ADARB2: variants seen among roughly 807,000 people sequenced by gnomAD.
ADARB2 encodes the protein inactive double-stranded RNA-specific editase B2.
Under a neutral mutation model 62.2 loss-of-function variants are expected in ADARB2, and 25 were observed. The ratio of observed to expected loss-of-function variants is 0.40; its 90% confidence interval spans 0.29 to 0.56. The LOEUF is 0.56. Among genes scored for constraint, ADARB2 ranks in the 20% least tolerant of loss-of-function variants. ADARB2 has a pLI of 0.43. For synonymous variants in ADARB2, 572 were observed against 500.8 expected (o/e 1.14, Z -1.90); for missense variants, 1,071 against 1,077.4 (o/e 0.99, Z 0.08).
rs1831074712 is a variant in ADARB2 at position 1,255,817 on chromosome 10, AAC to A, written c.1193-13520_1193-13519del. Among the ~76,000 whole-genome samples, 1 of 152,182 alleles carries A rather than the reference AAC, an allele frequency of 6.6e-6. No individual in the cohort carries two copies. The highest frequency in any genetic ancestry group is 1.5e-5 in the Non-Finnish European group (1 of 68,030). ...TGTGTCTGTGACTCATGGTGGGTCAAACACACTATAGCCCCATCAGCGGGCAG... is the reference window on the plus strand; with the variant it reads ...TGTGTCTGTGACTCATGGTGGGTCAAACACTATAGCCCCATCAGCGGGCAG... On this transcript the variant is annotated intron_variant, in intron 4 of 9. Transcript: ENST00000381312. The surrounding 1 kb of genome is among the most constrained non-coding windows in gnomAD (Gnocchi z 4.7).
chr10:1,209,609 G>A (rs1028256925), intron 7 of ADARB2, among the ~76,000 whole-genome samples: 5 of 144,590 alleles, frequency 3.5e-5, no homozygotes, highest in African/African-American at 1.3e-4. Flanking sequence ...CCATGACCAC[G>A]CCTACACCAT....
chr10:1,271,649 C>G (rs996748467), intron 3 of ADARB2, among the ~76,000 whole-genome samples: 1 of 152,198 alleles, frequency 6.6e-6, no homozygotes, highest in African/African-American at 2.4e-5. Context: ...CACAGACACA[C>G]ACATACACAT....
chr10:1,573,270 T>C (rs1367668740), intron 1 of ADARB2, among the ~76,000 whole-genome samples: 3 of 152,278 alleles, frequency 2.0e-5, no homozygotes, highest in African/African-American at 7.2e-5. Context: ...ACAGCTTGGA[T>C]GAGCCCCGGT....
In ADARB2 at chr10:1,394,912, T is replaced by C. The variant is rs542931825; in HGVS notation, c.101-15752A>G. On this transcript the variant is annotated intron_variant, in intron 1 of 9. Coordinates refer to ENST00000381312, the MANE Select transcript of ADARB2 (RefSeq NM_018702.4). ...TCTTTTCTTCCTCCCTCCTCCTCCTTCTTCTTCCTCTCTCTCTTTCTTTCT... is the reference window on the plus strand; with the variant it reads ...TCTTTTCTTCCTCCCTCCTCCTCCTCCTTCTTCCTCTCTCTCTTTCTTTCT... 65 of 456,620 alleles carry C rather than the reference T, an allele frequency of 1.4e-4. 2 individuals carry two copies. The highest frequency in any genetic ancestry group is 6.6e-4 in the African/African-American group (33 of 50,150). 28.3% of individuals were successfully genotyped at this position (456,620 alleles called of 1,614,324 possible). A position where few individuals can be genotyped will look rare whatever the true frequency, so the allele number is the denominator to read the frequency against.
rs558123064 is a variant in ADARB2, at chr10:1,414,811, C to T, written c.101-35651G>A. On this transcript the variant is annotated intron_variant, in intron 1 of 9. Coordinates refer to ENST00000381312, the MANE Select transcript of ADARB2 (RefSeq NM_018702.4). Reference sequence around the variant, plus strand: ...GGTGTTGGGTCTGATCACCCCAACACAGATGGACAGAAGGATGGATAGAGA... The same window carrying T: ...GGTGTTGGGTCTGATCACCCCAACATAGATGGACAGAAGGATGGATAGAGA... 7.2e-5 allele frequency among the ~76,000 whole-genome samples: 11 copies of T among 152,216 alleles called. No individual in the cohort carries two copies. In the South Asian group the frequency reaches 2.1e-3, roughly 29 times the overall value.
chr10:1,289,696 T>C (rs1214301699), intron 3 of ADARB2, among the ~76,000 whole-genome samples: 1 of 152,266 alleles, frequency 6.6e-6, no homozygotes, highest in African/African-American at 2.4e-5. Context: ...CTTTGGTCTA[T>C]GCAGGCCTCA....
At chr10:1,623,229 A>C (rs1205321342) in intron 1 of ADARB2, among the ~76,000 whole-genome samples, 1 of 152,228 alleles carries the variant, frequency 6.6e-6, no homozygotes, top group Non-Finnish European at 1.5e-5. Flanking sequence ...TTCCTTCTGC[A>C]CACACATCCA....
intron 1 of ADARB2, among the ~76,000 whole-genome samples, chr10:1,465,546 C>T (rs1187900736): frequency 1.3e-5 from 2 of 152,242 alleles, no homozygotes; most frequent in African/African-American, 4.8e-5. Context: ...CAGAATCGCC[C>T]TGTAGACCAG....
At chr10:1,606,024 ATTTAG>A (rs1041714729) in intron 1 of ADARB2, among the ~76,000 whole-genome samples, 4 of 152,354 alleles carry the variant, frequency 2.6e-5, no homozygotes, top group East Asian at 1.9e-4. Flanking sequence ...TTTGTTAGTG[ATTTAG>A]TTTAAAGGAT....
intron 6 of ADARB2, 113 bp downstream of exon 6, chr10:1,233,581 A>G (rs989262026): frequency 2.6e-6 from 3 of 1,155,392 alleles, no homozygotes; most frequent in East Asian, 2.7e-5. Flanking sequence ...TCCAGTACCC[A>G]AGGGCCCCAC....
At chr10:1,536,134 C>G (rs115655315) in intron 1 of ADARB2, among the ~76,000 whole-genome samples, 1 of 152,032 alleles carries the variant, frequency 6.6e-6, no homozygotes, top group African/African-American at 2.4e-5. Flanking sequence ...CTGATTCAGG[C>G]GTTGAAGCCT....
intron 1 of ADARB2, among the ~76,000 whole-genome samples, chr10:1,520,620 T>C (rs142773765): frequency 6.6e-6 from 1 of 152,358 alleles, no homozygotes; most frequent in Non-Finnish European, 1.5e-5. Context: ...TTTTGACATT[T>C]CAATACAAAG....
intron 1 of ADARB2, among the ~76,000 whole-genome samples, chr10:1,503,049 A>C (rs1831785102): frequency 6.6e-6 from 1 of 152,252 alleles, no homozygotes; most frequent in Non-Finnish European, 1.5e-5. Context: ...CCCTAAACAC[A>C]CGTATCATAT....
At chr10:1,634,024 C>T (rs910993463) in intron 1 of ADARB2, among the ~76,000 whole-genome samples, 6 of 152,222 alleles carry the variant, frequency 3.9e-5, no homozygotes, top group African/African-American at 1.2e-4. Flanking sequence ...TCACACCTCC[C>T]TTGATCTGCA....
intron 3 of ADARB2, among the ~76,000 whole-genome samples, chr10:1,339,171 A>G (rs1008055364): frequency 1.3e-5 from 2 of 152,178 alleles, no homozygotes; most frequent in Admixed American, 1.3e-4. Context: ...CCACGCCTGT[A>G]GCTGAGCATG....
intron 1 of ADARB2, among the ~76,000 whole-genome samples, chr10:1,529,402 G>A (rs1422894010): frequency 2.0e-5 from 3 of 152,100 alleles, no homozygotes; most frequent in Admixed American, 2.0e-4. Context: ...CAGATTGAGG[G>A]GGAAGATTAG....
intron 1 of ADARB2, among the ~76,000 whole-genome samples, chr10:1,540,661 T>C (rs61831931): frequency 0.4 from 16,682 of 41,490 alleles, 5,367 homozygotes; most frequent in Non-Finnish European, 0.59. Flanking sequence ...AGACGCAGTT[T>C]GGACCCTGGA....
In ADARB2 at chr10:1,589,348, G is replaced by A. The variant is rs1588313947; in HGVS notation, c.100+147703C>T. On this transcript the variant is annotated intron_variant, in intron 1 of 9. Transcript: ENST00000381312. ...CCATGGTCGGGGCATCCACGATCAG[G>A]GCATCCATGGTAGGGTGTCCACTGT... is the stretch of plus-strand genomic sequence containing the variant. Among the ~76,000 whole-genome samples, 4 of 152,232 alleles carry A rather than the reference G, an allele frequency of 2.6e-5. 1 individual carries two copies. In the South Asian group the frequency reaches 6.2e-4, roughly 24 times the overall value.
chr10:1,667,167 G>A (rs1182842246), intron 1 of ADARB2, among the ~76,000 whole-genome samples: 2 of 152,184 alleles, frequency 1.3e-5, no homozygotes, highest in Non-Finnish European at 1.5e-5. Context: ...TCTTGCTCAT[G>A]AAAAGCTGAG....
Sources: allele counts gnomAD v4.1 joint callset (sites outside exome capture counted in the v4.1 genomes callset), GRCh38; gene constraint gnomAD v4.1.1; non-coding constraint Gnocchi (gnomAD v3.1); transcripts MANE v1.5; gene names NCBI Gene and HGNC (gene_info 2026-07-23, HGNC 2026-07-21).